The following IQSEC1 variants were observed in gnomAD, a reference collection of about 807,000 sequenced individuals.
IQSEC1 encodes IQ motif and Sec7 domain ArfGEF 1.
Under a neutral mutation model 91.0 loss-of-function variants are expected in IQSEC1, and 31 were observed. The ratio of observed to expected loss-of-function variants is 0.34; its 90% CI spans 0.26 to 0.46. The LOEUF (loss-of-function observed/expected upper bound fraction) is 0.46. IQSEC1 is among the 20% of genes least tolerant of loss of function. The pLI is 1.00. For missense variants in IQSEC1, 1,388 were observed against 1,575.6 expected (o/e 0.88, Z 2.02); for synonymous variants, 699 against 662.6 (o/e 1.05, Z -0.84).
intron 1 of IQSEC1, among the ~76,000 whole-genome samples, chr3:13,049,810 G>C (rs1704627518): frequency 6.6e-6 from 1 of 152,138 alleles, no homozygotes; most frequent in Non-Finnish European, 1.5e-5. Context: ...TTAACTCATT[G>C]AGCTATGCAA....
chr3:13,234,528 C>T (rs541270459), intron 1 of IQSEC1, among the ~76,000 whole-genome samples: 7 of 152,110 alleles, frequency 4.6e-5, no homozygotes, highest in African/African-American at 1.7e-4. Context: ...TTCTAAGTAC[C>T]CCCCTACCCC....
At chr3:13,123,562 C>T (rs1413750306) in intron 2 of IQSEC1, among the ~76,000 whole-genome samples, 2 of 152,210 alleles carry the variant, frequency 1.3e-5, no homozygotes, top group Admixed American at 1.3e-4. Flanking sequence ...GCCAGCATTG[C>T]CCCTGGAAAT....
chr3:13,271,941 G>A (rs187228033), intron 1 of IQSEC1, among the ~76,000 whole-genome samples: 1 of 152,118 alleles, frequency 6.6e-6, no homozygotes, highest in Non-Finnish European at 1.5e-5. Flanking sequence ...AACCAACTAG[G>A]CCTATCAAAC....
In IQSEC1 at chr3:12,908,873, C is replaced by T. The variant is rs1449131999; in HGVS notation, c.2579-348G>A. Among the ~76,000 whole-genome samples the T allele has an allele frequency of 6.6e-6, 1 of 151,956 alleles. No homozygotes were observed. The highest frequency in any genetic ancestry group is 1.5e-5 in the Non-Finnish European group (1 of 67,968). On this transcript the variant is annotated intron_variant, in intron 11 of 13. Coordinates refer to ENST00000613206, the MANE Select transcript of IQSEC1 (RefSeq NM_001134382.3). The surrounding 1 kb of genome is among the most constrained non-coding windows in gnomAD (Gnocchi z 4.9). ...GGGCAGTGGTAGGGAGTCCCATGTG[C>T]CTCCAAGGAGTAGACCTGGAGCCAG...
intron 2 of IQSEC1, among the ~76,000 whole-genome samples, chr3:13,108,496 G>A (rs1284231210): frequency 1.3e-5 from 2 of 152,092 alleles, no homozygotes; most frequent in Non-Finnish European, 2.9e-5. Flanking sequence ...GCGGCAATGG[G>A]CATGCACATT....
chr3:13,201,012 A>G (rs1342986753), intron 1 of IQSEC1, among the ~76,000 whole-genome samples: 1 of 152,214 alleles, frequency 6.6e-6, no homozygotes, highest in Non-Finnish European at 1.5e-5. Flanking sequence ...GCCCTGCCTC[A>G]CTGCACAGCT....
In IQSEC1 at chr3:13,103,148, C is replaced by T. The variant is rs970558627; in HGVS notation, c.303-55626G>A. On this transcript the variant is annotated intron_variant, in intron 2 of 15. Coordinates refer to the IQSEC1 transcript ENST00000648114. The surrounding 1 kb of genome is among the most constrained non-coding windows in gnomAD (Gnocchi z 4.1). ...GCCCCAGCCCCTCCCTGGCCCATGT[C>T]CCCGGCTGGCCCCAGGCAGGTCAGT... Among the ~76,000 whole-genome samples the T allele has an allele frequency of 4.6e-5, 7 of 152,076 alleles. No individual in the cohort carries two copies. The highest frequency in any genetic ancestry group is 7.2e-5 in the African/African-American group (3 of 41,428).
Position 12,951,893 on chromosome 3 carries a change from C to T in IQSEC1, c.24-10028G>A, listed in dbSNP as rs541535306. 2.6e-5 allele frequency among the ~76,000 whole-genome samples: 4 copies of T among 152,250 alleles called. No homozygotes were observed. In the South Asian group the frequency reaches 8.3e-4, roughly 32 times the overall value. Reference sequence around the variant, plus strand: ...CACGTAATGGGCACAGATGTTGAGTCCCGTGCTCAGAGCCTCCAGACGCTG... The same window carrying T: ...CACGTAATGGGCACAGATGTTGAGTTCCGTGCTCAGAGCCTCCAGACGCTG... On this transcript the variant is annotated intron_variant, in intron 1 of 13. Transcript: ENST00000613206.
intron 3 of IQSEC1, among the ~76,000 whole-genome samples, chr3:12,931,004 C>T (rs1409789000): frequency 1.3e-5 from 2 of 152,164 alleles, no homozygotes; most frequent in Non-Finnish European, 2.9e-5. Flanking sequence ...TCGCCACCTC[C>T]GGAGGCTGCC....
chr3:13,059,994 G>C (rs892091585), intron 1 of IQSEC1, among the ~76,000 whole-genome samples: 2 of 152,216 alleles, frequency 1.3e-5, no homozygotes, highest in African/African-American at 4.8e-5. Context: ...GCCTCAAAAG[G>C]GATGAGGCGC....
At chr3:12,931,143 C>T (rs980949114) in intron 3 of IQSEC1, among the ~76,000 whole-genome samples, 26 of 152,160 alleles carry the variant, frequency 1.7e-4, no homozygotes, top group Non-Finnish European at 1.9e-4. Flanking sequence ...CCCTGCAGGG[C>T]TTCCCTTGGC....
At chr3:13,261,628 G>A (rs1695388671) in intron 1 of IQSEC1, among the ~76,000 whole-genome samples, 1 of 151,818 alleles carries the variant, frequency 6.6e-6, no homozygotes, top group African/African-American at 2.4e-5. Flanking sequence ...GCTGCAAGGA[G>A]CTGGTGACCA....
intron 1 of IQSEC1, among the ~76,000 whole-genome samples, chr3:13,071,678 C>A (rs989349187): frequency 1.3e-5 from 2 of 152,206 alleles, no homozygotes; most frequent in African/African-American, 4.8e-5. Flanking sequence ...ACTAAAAAAG[C>A]AAGTGAGCAT....
intron 1 of IQSEC1, among the ~76,000 whole-genome samples, chr3:12,964,813 G>A (rs1045534896): frequency 2.6e-5 from 4 of 151,934 alleles, no homozygotes; most frequent in African/African-American, 4.8e-5. Flanking sequence ...AGATAAAACC[G>A]TATGCACACA....
intron 1 of IQSEC1, among the ~76,000 whole-genome samples, chr3:13,055,924 C>T (rs74727938): frequency 6.6e-6 from 1 of 152,260 alleles, no homozygotes; most frequent in East Asian, 1.9e-4. Flanking sequence ...ATAGAGAGGC[C>T]CACCTGGCCC....
intron 1 of IQSEC1, among the ~76,000 whole-genome samples, chr3:13,246,494 C>A (rs916545886): frequency 6.6e-6 from 1 of 151,910 alleles, no homozygotes; most frequent in Non-Finnish European, 1.5e-5. Context: ...CGAAAAGTGG[C>A]GAAAATGGTA....
At chr3:12,948,108 G>A (rs186996404) in intron 1 of IQSEC1, among the ~76,000 whole-genome samples, 12 of 152,350 alleles carry the variant, frequency 7.9e-5, no homozygotes, top group African/African-American at 2.4e-4. Flanking sequence ...CTGTGCCTCA[G>A]GTTCCTTCCT....
chr3:13,085,251 C>A (rs1048071862), intron 2 of IQSEC1, among the ~76,000 whole-genome samples: 3 of 152,084 alleles, frequency 2.0e-5, no homozygotes, highest in African/African-American at 7.2e-5. Context: ...AGAACTGAAC[C>A]GACCAGAGCA....
chr3:13,018,220 C>T (rs1391462288), intron 1 of IQSEC1, among the ~76,000 whole-genome samples: 1 of 152,226 alleles, frequency 6.6e-6, no homozygotes, highest in African/African-American at 2.4e-5. Flanking sequence ...GGAACGCCCA[C>T]TGGCCCTCCT....
Sources: allele counts gnomAD v4.1 joint callset (sites outside exome capture counted in the v4.1 genomes callset), GRCh38; gene constraint gnomAD v4.1.1; non-coding constraint Gnocchi (gnomAD v3.1); transcripts MANE v1.5; gene names NCBI Gene and HGNC (gene_info 2026-07-23, HGNC 2026-07-21).